SLCO1B1: variants seen among roughly 807,000 people sequenced by gnomAD.
The protein encoded by SLCO1B1 is OATP-2.
SLCO1B1 carries 81 observed loss-of-function variants against 70.1 expected under a neutral mutation model. That is an observed-to-expected ratio of 1.16 (90% CI 0.97 to 1.39). The LOEUF (loss-of-function observed/expected upper bound fraction) is 1.39, where lower values mean the gene tolerates loss of function less well. SLCO1B1 is among the 40% of genes most tolerant of loss of function. The pLI is 0.00. For synonymous variants in SLCO1B1, 283 were observed against 271.5 expected (o/e 1.04, Z -0.42); for missense variants, 895 against 799.6 (o/e 1.12, Z -1.44).
At chr12:21,158,174 G>A (rs193288870) in intron 2 of SLCO1B1, among the ~76,000 whole-genome samples, 205 of 152,074 alleles carry the variant, frequency 1.3e-3, no homozygotes, top group African/African-American at 4.3e-3. Context: ...TCCTATGTTC[G>A]TTTTATCCAA....
intron 1 of SLCO1B1, among the ~76,000 whole-genome samples, chr12:21,134,769 G>C (rs140281477): frequency 9.2e-5 from 14 of 151,906 alleles, no homozygotes; most frequent in South Asian, 2.1e-4. Context: ...TTTTGTTGAT[G>C]CTTTCAAAAA....
intron 1 of SLCO1B1, among the ~76,000 whole-genome samples, chr12:21,140,720 G>A (rs987208351): frequency 6.6e-6 from 1 of 151,976 alleles, no homozygotes; most frequent in African/African-American, 2.4e-5. Context: ...AAAAGGTAGA[G>A]AATGATGTTT....
At chr12:21,175,050 AG>A (rs1015717961) in intron 4 of SLCO1B1, among the ~76,000 whole-genome samples, 6 of 152,142 alleles carry the variant, frequency 3.9e-5, no homozygotes, top group African/African-American at 1.4e-4. Flanking sequence ...TACCCACTGA[AG>A]TATAGTTGTT....
chr12:21,156,726 G>A (rs1444400096), intron 2 of SLCO1B1, among the ~76,000 whole-genome samples: 4 of 152,002 alleles, frequency 2.6e-5, no homozygotes, highest in African/African-American at 9.7e-5. Flanking sequence ...TCTTGAGCTG[G>A]GGTACATCAT....
intron 14 of SLCO1B1, among the ~76,000 whole-genome samples, chr12:21,229,354 G>C (rs1414633196): frequency 1.3e-5 from 2 of 152,140 alleles, no homozygotes; most frequent in African/African-American, 4.8e-5. Context: ...ATTATACAAA[G>C]TAGTTTCTCT....
chr12:21,166,907 G>A (rs1158506371), intron 2 of SLCO1B1, among the ~76,000 whole-genome samples: 1 of 152,088 alleles, frequency 6.6e-6, no homozygotes, highest in Non-Finnish European at 1.5e-5. Flanking sequence ...CCTTCAATAT[G>A]AGAATAGGTA....
At chr12:21,178,780 T>C (rs1345171406) in intron 6 of SLCO1B1, 58 bp downstream of exon 6, 1 of 1,472,724 alleles carries the variant, frequency 6.8e-7, no homozygotes, top group East Asian at 2.3e-5. Flanking sequence ...ACTTTTGAAA[T>C]AGTAGAGTTA....
In SLCO1B1 at chr12:21,239,239, T is replaced by C; in HGVS notation, c.*50T>C. The C allele has an allele frequency of 2.4e-6, 3 of 1,250,464 alleles. No homozygotes were observed. The highest frequency in any genetic ancestry group is 2.3e-5 in the East Asian group (1 of 43,058). The allele number at this position is 1,250,464 out of a possible 1,614,324, so 77.5% of individuals were successfully genotyped here. ...TTCTGTGTTTCCAAACAGCATTGCA[T>C]TGATTCAGTAAGATGTTATTTTTGA... On this transcript the variant is annotated 3_prime_UTR_variant, in exon 15 of 15. Coordinates refer to ENST00000256958, the MANE Select transcript of SLCO1B1 (RefSeq NM_006446.5).
intron 11 of SLCO1B1, among the ~76,000 whole-genome samples, chr12:21,209,459 T>C (rs1941253668): frequency 6.6e-6 from 1 of 152,222 alleles, no homozygotes; most frequent in Admixed American, 6.5e-5. Context: ...AGTCTATCAC[T>C]GTTGGACATT....
Position 21,185,916 on chromosome 12 carries a change from A to C in SLCO1B1, c.727+6896A>C, listed in dbSNP as rs536124813. Among the ~76,000 whole-genome samples the C allele has an allele frequency of 4.0e-4, 61 of 152,170 alleles. No individual in the cohort carries two copies. The East Asian group carries it at 0.011, about 27-fold the overall frequency. ...TACAACTCCCATAGAAATGCATTAC[A>C]AATGCCCCTCTGCACACAAATTAGA... is the stretch of plus-strand genomic sequence containing the variant. On this transcript the variant is annotated intron_variant, in intron 7 of 14. Coordinates refer to ENST00000256958, the MANE Select transcript of SLCO1B1 (RefSeq NM_006446.5).
chr12:21,214,480 A>T (rs945106949), intron 11 of SLCO1B1, among the ~76,000 whole-genome samples: 1 of 149,820 alleles, frequency 6.7e-6, no homozygotes, highest in Non-Finnish European at 1.5e-5. Context: ...TCAGACAGGG[A>T]CATTTAAGTC....
rs987499106 is a variant in SLCO1B1 at position 21,137,467 on chromosome 12, T to C, written c.-61-4047T>C. The stretch of plus-strand genomic sequence containing the variant: ...GAGGCAGGCAGGTGTCCTTGAGCTG[T>C]GGTGGGCTCCACCCAGTTCGAGCTT... On this transcript the variant is annotated intron_variant, in intron 1 of 14. Transcript: ENST00000256958. 3.3e-5 allele frequency among the ~76,000 whole-genome samples: 5 copies of C among 152,188 alleles called. 1 individual carries two copies. Among genetic ancestry groups the C allele is most frequent in the African/African-American group, 1.2e-4 (5 of 41,450 alleles).
intron 2 of SLCO1B1, among the ~76,000 whole-genome samples, chr12:21,163,923 C>T (rs887833805): frequency 4.9e-5 from 7 of 142,354 alleles, no homozygotes; most frequent in East Asian, 2.1e-4. Context: ...AAAGAGAAGA[C>T]GGTATGAAAC....
chr12:21,152,626 G>C (rs1940489871), intron 2 of SLCO1B1, among the ~76,000 whole-genome samples: 1 of 143,970 alleles, frequency 6.9e-6, no homozygotes, highest in Non-Finnish European at 1.5e-5. Context: ...GTTTGGTAGA[G>C]TGAGATGGAT....
At chr12:21,179,946 G>C (rs1331553702) in intron 7 of SLCO1B1, among the ~76,000 whole-genome samples, 3 of 152,016 alleles carry the variant, frequency 2.0e-5, no homozygotes, top group Non-Finnish European at 4.4e-5. Context: ...AATTAGCTAA[G>C]ATATCTCACC....
intron 11 of SLCO1B1, among the ~76,000 whole-genome samples, chr12:21,209,630 C>T (rs1377346474): frequency 6.6e-6 from 1 of 151,986 alleles, no homozygotes; most frequent in East Asian, 1.9e-4. Context: ...TGAGGAATCG[C>T]CACACTGACT....
intron 14 of SLCO1B1, among the ~76,000 whole-genome samples, chr12:21,234,935 A>G (rs1277334784): frequency 1.3e-5 from 2 of 152,122 alleles, no homozygotes; most frequent in Non-Finnish European, 2.9e-5. Flanking sequence ...TTTTTAAAAA[A>G]TTTATTGTGA....
intron 7 of SLCO1B1, among the ~76,000 whole-genome samples, chr12:21,184,690 A>C (rs1473789691): frequency 6.6e-6 from 1 of 152,178 alleles, no homozygotes; most frequent in Non-Finnish European, 1.5e-5. Flanking sequence ...AGACACATAA[A>C]GCAACTATAC....
chr12:21,180,694 T>C (rs1940885051), intron 7 of SLCO1B1, among the ~76,000 whole-genome samples: 1 of 152,146 alleles, frequency 6.6e-6, no homozygotes, highest in African/African-American at 2.4e-5. Flanking sequence ...CTTGATAAAA[T>C]GTTTTACATG....
Sources: allele counts gnomAD v4.1 joint callset (sites outside exome capture counted in the v4.1 genomes callset), GRCh38; gene constraint gnomAD v4.1.1; transcripts MANE v1.5; gene names NCBI Gene and HGNC (gene_info 2026-07-23, HGNC 2026-07-21).